IL34: variants seen among roughly 807,000 people sequenced by gnomAD.
The protein encoded by IL34 is interleukin-34.
In IL34, 17 loss-of-function variants were observed where a neutral mutation model predicts 25.3. The observed-to-expected ratio is 0.67, with a 90% CI of 0.46 to 1.01. IL34 has a LOEUF of 1.01. IL34 is among the 50% of genes least tolerant of loss of function. The probability of loss-of-function intolerance (pLI) is 0.00; values close to 1 mark genes in which losing one functional copy is unlikely to be tolerated. For missense variants in IL34, 368 were observed against 312.9 expected (o/e 1.18, Z -1.33); for synonymous variants, 174 against 140.9 (o/e 1.23, Z -1.66).
chr16:70,607,153 G>C (rs1056350577), intron 1 of IL34, among the ~76,000 whole-genome samples: 2 of 152,106 alleles, frequency 1.3e-5, no homozygotes, highest in African/African-American at 4.8e-5. Flanking sequence ...CCAGGCTGGA[G>C]TGCAGTGGCT....
intron 1 of IL34, among the ~76,000 whole-genome samples, chr16:70,589,676 C>G (rs1305702478): frequency 6.7e-6 from 1 of 148,754 alleles, no homozygotes; most frequent in Non-Finnish European, 1.5e-5. Context: ...AGGGTGGAGT[C>G]CAGTGGTATG....
intron 1 of IL34, among the ~76,000 whole-genome samples, chr16:70,602,275 G>C (rs1218464093): frequency 6.6e-6 from 1 of 152,200 alleles, no homozygotes; most frequent in Non-Finnish European, 1.5e-5. Flanking sequence ...TAGAGTGACA[G>C]CAAGAGCAAT....
At chr16:70,615,659 T>C (rs1289655304) in intron 1 of IL34, among the ~76,000 whole-genome samples, 1 of 151,974 alleles carries the variant, frequency 6.6e-6, no homozygotes, top group East Asian at 1.9e-4. Context: ...TAGATATAGG[T>C]AGATGAAAGT....
intron 1 of IL34, among the ~76,000 whole-genome samples, chr16:70,596,808 C>T (rs1377439398): frequency 6.6e-6 from 1 of 152,166 alleles, no homozygotes; most frequent in Non-Finnish European, 1.5e-5. Flanking sequence ...CCATGCTGGT[C>T]TCAAACTTCT....
At chr16:70,639,807 A>T (rs1039806205) in intron 1 of IL34, among the ~76,000 whole-genome samples, 1 of 152,000 alleles carries the variant, frequency 6.6e-6, no homozygotes, top group African/African-American at 2.4e-5. Flanking sequence ...TAAAAATAAA[A>T]ATTAGCCAGG....
chr16:70,592,348 G>A (rs932691793), intron 1 of IL34, among the ~76,000 whole-genome samples: 4 of 152,158 alleles, frequency 2.6e-5, no homozygotes, highest in East Asian at 1.9e-4. Context: ...CACCCTGACC[G>A]CCTCCTGAGG....
intron 1 of IL34, among the ~76,000 whole-genome samples, chr16:70,617,439 G>A (rs111916425): frequency 0.017 from 2,596 of 152,008 alleles, 74 homozygotes; most frequent in African/African-American, 0.058. Context: ...AGTTGAGAAC[G>A]GAGAATAGGA....
intron 1 of IL34, among the ~76,000 whole-genome samples, chr16:70,653,877 T>C (rs1197662588): frequency 6.6e-6 from 1 of 152,158 alleles, no homozygotes; most frequent in African/African-American, 2.4e-5. Context: ...TCGTATAGGC[T>C]GTTTTTGGAG....
chr16:70,618,891 T>C (rs542422027), intron 1 of IL34, among the ~76,000 whole-genome samples: 42 of 152,022 alleles, frequency 2.8e-4, no homozygotes, highest in Admixed American at 3.9e-4. Flanking sequence ...TCAGGGTCAG[T>C]CCAAGTGAAA....
chr16:70,648,741 C>T (rs977834423), intron 1 of IL34, among the ~76,000 whole-genome samples: 1 of 151,904 alleles, frequency 6.6e-6, no homozygotes, highest in Non-Finnish European at 1.5e-5. Context: ...GGAAGTTGGG[C>T]TGCCATAACC....
chr16:70,588,268 C>T (rs1213913742), intron 1 of IL34, among the ~76,000 whole-genome samples: 1 of 151,956 alleles, frequency 6.6e-6, no homozygotes. Context: ...GGTGGATCAC[C>T]TGAAGGTCAG....
chr16:70,626,472 C>A (rs1303031711), intron 1 of IL34, among the ~76,000 whole-genome samples: 4 of 152,194 alleles, frequency 2.6e-5, no homozygotes. Context: ...TCCTGGCTCA[C>A]TGCAACCTCT....
chr16:70,660,291 A>G lies in IL34; in HGVS notation c.*104A>G, dbSNP rs2052373322. The G allele has an allele frequency of 1.4e-5, 15 of 1,080,426 alleles. No individual in the cohort carries two copies. In the South Asian group the frequency reaches 2.4e-4, roughly 17 times the overall value. 66.9% of individuals were successfully genotyped at this position (1,080,426 alleles called of 1,614,324 possible). ...GGTGGTGGTGGGAGCCCCCCTTGGG[A>G]GAGGACCCCTGGGAAGGGTGTTTTT... On this transcript the variant is annotated 3_prime_UTR_variant, in exon 6 of 6. Transcript: ENST00000288098.
intron 3 of IL34, 92 bp downstream of exon 3, chr16:70,656,771 G>A (rs2052235362): frequency 2.1e-6 from 2 of 954,988 alleles, no homozygotes; most frequent in Non-Finnish European, 1.7e-6. Flanking sequence ...GGCAGGTGGT[G>A]CTGCTGGCCT....
At chr16:70,659,969 C>T (rs1435560449) in intron 5 of IL34, 28 bp from the exon 6 acceptor site, 1 of 1,373,522 alleles carries the variant, frequency 7.3e-7, no homozygotes, top group Non-Finnish European at 9.9e-7. Flanking sequence ...CTGCTGCAGT[C>T]TTTTTTTTTT....
chr16:70,600,563 TC>T (rs1459627251), intron 1 of IL34, among the ~76,000 whole-genome samples: 1 of 152,124 alleles, frequency 6.6e-6, no homozygotes, highest in African/African-American at 2.4e-5. Context: ...AATTCTAACT[TC>T]CCCCTATCTT....
At chr16:70,584,594 C>T (rs1233193185) in intron 1 of IL34, among the ~76,000 whole-genome samples, 1 of 152,182 alleles carries the variant, frequency 6.6e-6, no homozygotes, top group East Asian at 1.9e-4. Context: ...ACCACCAAGT[C>T]CCAGCTGCCC....
chr16:70,589,884 G>A (rs1368184625), intron 1 of IL34, among the ~76,000 whole-genome samples: 4 of 152,190 alleles, frequency 2.6e-5, no homozygotes, highest in African/African-American at 9.6e-5. Context: ...CGGCCTCCCA[G>A]AGTGTTGGGA....
intron 1 of IL34, among the ~76,000 whole-genome samples, chr16:70,648,973 T>A (rs1438308592): frequency 6.6e-6 from 1 of 152,144 alleles, no homozygotes; most frequent in Non-Finnish European, 1.5e-5. Flanking sequence ...TTTCCCTTTG[T>A]GTGTCTCTAT....
Sources: gnomAD v4.1 joint callset for allele counts (sites outside exome capture counted in the v4.1 genomes callset) on GRCh38, gnomAD v4.1.1 for gene constraint, MANE v1.5 for transcripts, NCBI Gene and HGNC (gene_info 2026-07-23, HGNC 2026-07-21) for gene names.